The following LIPA variants were observed in gnomAD, a reference collection of about 807,000 sequenced individuals.
LIPA encodes the protein lysosomal acid lipase/cholesteryl ester hydrolase.
In LIPA, 26 loss-of-function variants were observed where a neutral mutation model predicts 40.6. The ratio of observed to expected loss-of-function variants is 0.64; its 90% confidence interval spans 0.47 to 0.89. The LOEUF (loss-of-function observed/expected upper bound fraction) is 0.89, where lower values mean the gene tolerates loss of function less well. Ranked by LOEUF, LIPA falls within the 40% of genes least tolerant of loss-of-function variation. The pLI is 0.00. For synonymous variants in LIPA, 188 were observed against 168.4 expected (o/e 1.12, Z -0.90); for missense variants, 455 against 479.6 (o/e 0.95, Z 0.48).
intron 1 of LIPA, among the ~76,000 whole-genome samples, chr10:89,274,530 G>A (rs1488552284): frequency 6.6e-6 from 1 of 152,172 alleles, no homozygotes; most frequent in Non-Finnish European, 1.5e-5. Context: ...GAGAAACTAG[G>A]ACACATCATG....
At chr10:89,238,868 G>A (rs1299858742) in intron 3 of LIPA, among the ~76,000 whole-genome samples, 1 of 152,144 alleles carries the variant, frequency 6.6e-6, no homozygotes, top group Non-Finnish European at 1.5e-5. Flanking sequence ...TAAATTTTGG[G>A]GAATGCAAAA....
chr10:89,351,544 A>C (rs1843958772), intron 2 of LIPA, among the ~76,000 whole-genome samples: 2 of 152,208 alleles, frequency 1.3e-5, no homozygotes, highest in Admixed American at 1.3e-4. Flanking sequence ...CTTTCAGTTC[A>C]GCACAACACA....
chr10:89,298,728 G>A (rs1843429243), intron 1 of LIPA, among the ~76,000 whole-genome samples: 1 of 152,160 alleles, frequency 6.6e-6, no homozygotes, highest in Admixed American at 6.5e-5. Flanking sequence ...CCTCACACCT[G>A]TAATCCCAGC....
chr10:89,403,294 A>G, intron 2 of LIPA: 1 of 1,614,166 alleles, frequency 6.2e-7, no homozygotes, highest in South Asian at 1.1e-5. Context: ...CCCACATTTG[A>G]GGTGGCTCAT....
At chr10:89,294,898 T>G (rs1272642010) in intron 1 of LIPA, among the ~76,000 whole-genome samples, 1 of 151,552 alleles carries the variant, frequency 6.6e-6, no homozygotes. Context: ...CACTTGAGCC[T>G]GGGAGGGAGG....
chr10:89,219,691 C>G (rs879471989), intron 8 of LIPA, among the ~76,000 whole-genome samples: 15 of 152,232 alleles, frequency 9.9e-5, no homozygotes, highest in Middle Eastern at 3.2e-3. Flanking sequence ...CCACAGAAGC[C>G]TTTTCCTGCA....
At chr10:89,335,543 CAAAAAAA>C (rs555368433) in intron 1 of LIPA, 1 of 118,206 alleles carries the variant, frequency 8.5e-6, no homozygotes, top group Non-Finnish European at 1.9e-5. Context: ...TTCTGCCCTC[CAAAAAAA>C]AAAAAAAAAG....
At chr10:89,313,984 T>C (rs764524860) in intron 1 of LIPA, among the ~76,000 whole-genome samples, 1 of 152,250 alleles carries the variant, frequency 6.6e-6, no homozygotes, top group Non-Finnish European at 1.5e-5. Flanking sequence ...TTGAATTGTA[T>C]ACTTTAAATG....
In LIPA at chr10:89,318,892, A is replaced by G. The variant is rs201161087; in HGVS notation, c.-2+23719T>C. Among the ~76,000 whole-genome samples, 30 of 152,326 alleles carry G rather than the reference A, an allele frequency of 2.0e-4. No homozygotes were observed. The South Asian group carries it at 3.3e-3, about 17-fold the overall frequency. On this transcript the variant is annotated intron_variant, in intron 1 of 5. Coordinates refer to the LIPA transcript ENST00000282673. The stretch of plus-strand genomic sequence containing the variant: ...CAGACCACAGTGCAATCAAACTAGA[A>G]CTCAGGATTAAGAAACTCACTCAAA...
intron 1 of LIPA, among the ~76,000 whole-genome samples, chr10:89,274,020 A>C (rs1739451906): frequency 6.6e-6 from 1 of 152,236 alleles, no homozygotes; most frequent in South Asian, 2.1e-4. Context: ...TTTAGCTCTT[A>C]ACAGAAAAAG....
At chr10:89,274,422 T>A (rs1218878091) in intron 1 of LIPA, among the ~76,000 whole-genome samples, 1 of 152,104 alleles carries the variant, frequency 6.6e-6, no homozygotes, top group Admixed American at 6.5e-5. Flanking sequence ...ATGTGTACGG[T>A]GCCTGAGTCC....
At chr10:89,340,641 A>G (rs969571195) in intron 1 of LIPA, 1 of 152,164 alleles carries the variant, frequency 6.6e-6, no homozygotes, top group Admixed American at 6.5e-5. Context: ...AGGTCTTACA[A>G]CTAATCACTG....
intron 1 of LIPA, among the ~76,000 whole-genome samples, chr10:89,413,855 G>GTA (rs1841502404): frequency 6.6e-6 from 1 of 152,090 alleles, no homozygotes; most frequent in African/African-American, 2.4e-5. Context: ...CTCAATAAGG[G>GTA]TAAGGCCCGT....
intron 1 of LIPA, among the ~76,000 whole-genome samples, chr10:89,302,589 C>A (rs948554714): frequency 1.3e-5 from 2 of 152,130 alleles, no homozygotes; most frequent in African/African-American, 4.8e-5. Context: ...ATAGCAAACC[C>A]CACTTCCTGC....
chr10:89,254,133 G>T (rs1472787607), upstream of LIPA, among the ~76,000 whole-genome samples: 1 of 152,236 alleles, frequency 6.6e-6, no homozygotes, highest in African/African-American at 2.4e-5. Context: ...AGCTGCACTA[G>T]GCAGTGCCCC....
chr10:89,247,414 C>G (rs1170223161), intron 2 of LIPA, 124 bp downstream of exon 2: 1 of 336,048 alleles, frequency 3.0e-6, no homozygotes, highest in Non-Finnish European at 5.7e-6. Flanking sequence ...AAAAAAAATT[C>G]AGAGAAATTG....
In LIPA at chr10:89,303,874, C is replaced by T. The variant is rs538294574; in HGVS notation, c.-2+38737G>A. On this transcript the variant is annotated intron_variant, in intron 1 of 5. Transcript: ENST00000282673. ...GGTGTTAGGATGCGTGCTGCACATG[C>T]TTGGGGTCTGAGAGTGGTCATATTC... Among the ~76,000 whole-genome samples, 76 of 152,230 alleles carry T rather than the reference C, an allele frequency of 5.0e-4. 2 individuals carry two copies. Among genetic ancestry groups the T allele is most frequent in the African/African-American group, 1.6e-3 (67 of 41,534 alleles).
At chr10:89,322,381 G>A (rs1843576673) in intron 1 of LIPA, among the ~76,000 whole-genome samples, 1 of 152,122 alleles carries the variant, frequency 6.6e-6, no homozygotes, top group Non-Finnish European at 1.5e-5. Flanking sequence ...CAAGATGTAA[G>A]GGGATTACAG....
At chr10:89,376,590 T>C (rs548997362) in intron 2 of LIPA, among the ~76,000 whole-genome samples, 1 of 152,286 alleles carries the variant, frequency 6.6e-6, no homozygotes, top group South Asian at 2.1e-4. Context: ...GTGACCATGA[T>C]GGGTCAAGAC....
Sources: gnomAD v4.1 joint callset for allele counts (sites outside exome capture counted in the v4.1 genomes callset) on GRCh38, gnomAD v4.1.1 for gene constraint, MANE v1.5 for transcripts, NCBI Gene and HGNC (gene_info 2026-07-23, HGNC 2026-07-21) for gene names.